Variants in TNFRSF1B observed in about 807,000 individuals in gnomAD.
The protein encoded by TNFRSF1B is tumor necrosis factor receptor superfamily member 1B.
A neutral mutation model predicts 44.6 loss-of-function variants in TNFRSF1B; 19 were observed. The ratio of observed to expected loss-of-function variants is 0.43; its 90% CI spans 0.30 to 0.62. The LOEUF (loss-of-function observed/expected upper bound fraction) is 0.62. TNFRSF1B is among the 20% of genes least tolerant of loss of function. The pLI, the probability that TNFRSF1B is intolerant of heterozygous loss-of-function variation, is 0.16. For missense variants in TNFRSF1B, 541 were observed against 619.9 expected (o/e 0.87, Z 1.35); for synonymous variants, 252 against 261.1 (o/e 0.97, Z 0.34).
In TNFRSF1B at chr1:12,178,970, G is replaced by C. The variant is rs17885508; in HGVS notation, c.79-9826G>C. On this transcript the variant is annotated intron_variant, in intron 1 of 9. Transcript: ENST00000376259. The surrounding 1 kb of genome is among the most constrained non-coding windows in gnomAD (Gnocchi z 4.3). ...CAGCTGGCAGGAGATGCTGAGGGCA[G>C]CGAGGAGGAGGGGTCGTGGGAGATG... Among the ~76,000 whole-genome samples, 1 of 152,126 alleles carries C rather than the reference G, an allele frequency of 6.6e-6. No homozygotes were observed. Among genetic ancestry groups the C allele is most frequent in the Admixed American group, 6.5e-5 (1 of 15,272 alleles).
intron 9 of TNFRSF1B, among the ~76,000 whole-genome samples, chr1:12,202,552 C>T (rs746902483): frequency 1.8e-4 from 27 of 152,346 alleles, no homozygotes; most frequent in Admixed American, 1.5e-3. Flanking sequence ...CTGTCTCCCA[C>T]GCCAGGCTGT....
In TNFRSF1B at chr1:12,178,325, T is replaced by C. The variant is rs1435307957; in HGVS notation, c.79-10471T>C. ...GAAGCACGGGTGACACTGAGCTCTT[T>C]CCACTGCCGGGCACGGTGCCAAGCA... On this transcript the variant is annotated intron_variant, in intron 1 of 9. Transcript: ENST00000376259. The surrounding 1 kb of genome is among the most constrained non-coding windows in gnomAD (Gnocchi z 4.3). Among the ~76,000 whole-genome samples, 1 of 152,040 alleles carries C rather than the reference T, an allele frequency of 6.6e-6. No homozygotes were observed. The highest frequency in any genetic ancestry group is 1.5e-5 in the Non-Finnish European group (1 of 67,908).
chr1:12,176,459 C>T (rs1425921119), intron 1 of TNFRSF1B, among the ~76,000 whole-genome samples: 6 of 152,152 alleles, frequency 3.9e-5, no homozygotes, highest in Non-Finnish European at 5.9e-5. Flanking sequence ...CCCATCAGCC[C>T]CAGGAGGTAT....
chr1:12,206,115 C>T (rs757347984), intron 9 of TNFRSF1B, among the ~76,000 whole-genome samples: 11 of 152,090 alleles, frequency 7.2e-5, no homozygotes, highest in African/African-American at 1.9e-4. Flanking sequence ...AGGCTGAGCA[C>T]GGTGGCTCAC....
chr1:12,167,053 G>A lies in TNFRSF1B; in HGVS notation c.-39G>A. On this transcript the variant is annotated 5_prime_UTR_variant, in exon 1 of 10. Transcript: ENST00000376259. ...AGGCGCTGGGCTGCGAGGGCGCGAG[G>A]GCGCGAGGGCAGGGGGCAACCGGAC... The A allele has an allele frequency of 1.6e-6, 2 of 1,259,930 alleles. No individual in the cohort carries two copies. Among genetic ancestry groups the A allele is most frequent in the East Asian group, 3.2e-5 (1 of 30,818 alleles). The allele number at this position is 1,259,930 out of a possible 1,614,324, so 78.0% of individuals were successfully genotyped here.
intron 1 of TNFRSF1B, among the ~76,000 whole-genome samples, chr1:12,176,294 G>C (rs1041289334): frequency 1.3e-5 from 2 of 152,186 alleles, no homozygotes; most frequent in African/African-American, 4.8e-5. Context: ...GTCCTAGCTG[G>C]AGCCAAAGGT....
chr1:12,195,613 A>C (rs1639249146), intron 8 of TNFRSF1B, among the ~76,000 whole-genome samples: 1 of 152,106 alleles, frequency 6.6e-6, no homozygotes. Context: ...CATCTCACTG[A>C]CCAGACAGTG....
chr1:12,198,691 G>GTTTTT lies in TNFRSF1B; in HGVS notation c.901-3263_901-3259dup, dbSNP rs60313758. On this transcript the variant is annotated intron_variant, in intron 8 of 9. Transcript: ENST00000376259. ...TGGCTGGCTGGCTGGCTGGAATTCTGTTTTTTTTTTTTTTTTTGAGAAAGA... is the reference window on the plus strand; with the variant it reads ...TGGCTGGCTGGCTGGCTGGAATTCTGTTTTTTTTTTTTTTTTTTTTTTGAGAAAGA... 7.6e-4 allele frequency among the ~76,000 whole-genome samples: 65 copies of GTTTTT among 85,632 alleles called. 2 individuals carry two copies. Among genetic ancestry groups the GTTTTT allele is most frequent in the African/African-American group, 2.6e-3 (55 of 21,374 alleles). The allele number at this position is 85,632 out of a possible 152,430, so 56.2% of individuals were successfully genotyped here.
At position 12,187,798 on chromosome 1, in the gene TNFRSF1B, C is replaced by A. The variant is rs1190898391; in HGVS notation, c.79-998C>A. Among the ~76,000 whole-genome samples, 3 of 152,110 alleles carry A rather than the reference C, an allele frequency of 2.0e-5. No individual in the cohort carries two copies. The highest frequency in any genetic ancestry group is 2.9e-5 in the Non-Finnish European group (2 of 67,990). ...GGGCTCCCAGGAGAAGCAGGCAGGG[C>A]AGGTCAGGGGAGGGGGCTTAGCAGG... On this transcript the variant is annotated intron_variant, in intron 1 of 9. Coordinates refer to ENST00000376259, the MANE Select transcript of TNFRSF1B (RefSeq NM_001066.3). The surrounding 1 kb of genome is among the most constrained non-coding windows in gnomAD (Gnocchi z 5.5).
chr1:12,177,162 C>T lies in TNFRSF1B; in HGVS notation c.78+9993C>T, dbSNP rs1263055085. Among the ~76,000 whole-genome samples the T allele has an allele frequency of 6.6e-6, 1 of 152,160 alleles. No homozygotes were observed. The highest frequency in any genetic ancestry group is 2.4e-5 in the African/African-American group (1 of 41,444). On this transcript the variant is annotated intron_variant, in intron 1 of 9. Transcript: ENST00000376259. This position sits in a 1 kb window ranked among gnomAD's most constrained non-coding sequence, Gnocchi z 4.3. ...GGACTACAGGCGTGCCCCACCACGC[C>T]TGGCTAATTTTTTGTATTTTTTTTA...
At chr1:12,184,373 A>C (rs995459637) in intron 1 of TNFRSF1B, among the ~76,000 whole-genome samples, 2 of 151,726 alleles carry the variant, frequency 1.3e-5, no homozygotes, top group Non-Finnish European at 2.9e-5. Flanking sequence ...GTCCAAGAGA[A>C]TAAACAGGCC....
rs1174712994 is a variant in TNFRSF1B at position 12,191,831 on chromosome 1, C to G, written c.365C>G (p.Pro122Arg). 1.2e-6 allele frequency: 2 copies of G among 1,613,170 alleles called. No homozygotes were observed. The highest frequency in any genetic ancestry group is 1.7e-6 in the Non-Finnish European group (2 of 1,179,788). ...REQNRICTCR[P>R]GWYCALSKQE... ...CAGAACCGCATCTGCACCTGCAGGC[C>G]CGGCTGGTACTGCGCGCTGAGCAAG... The change falls in exon 4 of 10, where the codon CCC becomes CGC. Residue 122 changes from proline (P) to arginine (R), a missense_variant. Coordinates refer to ENST00000376259, the MANE Select transcript of TNFRSF1B (RefSeq NM_001066.3).
rs147256500 is a variant in TNFRSF1B, at chr1:12,198,730, G to A, written c.901-3237G>A. Reference sequence around the variant, plus strand: ...TTTTGAGAAAGAGTCTTGCTTTGTCGCCCAGGCTGGAGTGCAGTGGCACAA... The same window carrying A: ...TTTTGAGAAAGAGTCTTGCTTTGTCACCCAGGCTGGAGTGCAGTGGCACAA... On this transcript the variant is annotated intron_variant, in intron 8 of 9. Transcript: ENST00000376259. 6.6e-5 allele frequency among the ~76,000 whole-genome samples: 8 copies of A among 120,384 alleles called. No homozygotes were observed. In the South Asian group the frequency reaches 1.8e-3, roughly 27 times the overall value. 79.0% of individuals were successfully genotyped at this position (120,384 alleles called of 152,430 possible).
Position 12,177,717 on chromosome 1 carries a change from C to T in TNFRSF1B, c.78+10548C>T, listed in dbSNP as rs111730934. Among the ~76,000 whole-genome samples the T allele has an allele frequency of 4.2e-3, 642 of 151,608 alleles. 2 individuals carry two copies. Among genetic ancestry groups the T allele is most frequent in the African/African-American group, 0.014 (595 of 41,318 alleles). On this transcript the variant is annotated intron_variant, in intron 1 of 9. Coordinates refer to ENST00000376259, the MANE Select transcript of TNFRSF1B (RefSeq NM_001066.3). This position sits in a 1 kb window ranked among gnomAD's most constrained non-coding sequence, Gnocchi z 4.3. Reference sequence around the variant, plus strand: ...ACTGAGGCAGGAGAATCGCTTGAACCTGGGAGGCGGAGTTTGCAGTGAACC... The same window carrying T: ...ACTGAGGCAGGAGAATCGCTTGAACTTGGGAGGCGGAGTTTGCAGTGAACC...
chr1:12,183,890 G>A (rs890716268), intron 1 of TNFRSF1B, among the ~76,000 whole-genome samples: 2 of 150,938 alleles, frequency 1.3e-5, no homozygotes, highest in Admixed American at 6.6e-5. Context: ...CATCCTCTCC[G>A]ATTCCCTCAC....
chr1:12,205,988 G>A lies in TNFRSF1B; in HGVS notation c.1106-752G>A, dbSNP rs185528947. 6.4e-3 allele frequency among the ~76,000 whole-genome samples: 981 copies of A among 152,244 alleles called. 9 individuals are homozygous for A. Among genetic ancestry groups the A allele is most frequent in the Non-Finnish European group, 0.012 (818 of 68,014 alleles). Reference sequence around the variant, plus strand: ...TGATGGATGGGTGTGTGATATGAGAGAAAGATGGGTCCGAGGCTCTGGGCC... The same window carrying A: ...TGATGGATGGGTGTGTGATATGAGAAAAAGATGGGTCCGAGGCTCTGGGCC... On this transcript the variant is annotated intron_variant, in intron 9 of 9. Transcript: ENST00000376259.
chr1:12,190,236 A>G (rs1015412559), intron 2 of TNFRSF1B, among the ~76,000 whole-genome samples: 3 of 152,188 alleles, frequency 2.0e-5, no homozygotes, highest in East Asian at 1.9e-4. Flanking sequence ...AGGTGGGCGG[A>G]CCACCGGAGG....
chr1:12,186,276 G>A lies in TNFRSF1B; in HGVS notation c.79-2520G>A, dbSNP rs1007119726. On this transcript the variant is annotated intron_variant, in intron 1 of 9. Transcript: ENST00000376259. The surrounding 1 kb of genome is among the most constrained non-coding windows in gnomAD (Gnocchi z 4.8). Reference sequence around the variant, plus strand: ...TCACTCGCTATAGGTGCAGCCAAACGCTCAGCAGGCCCAAACTCTGGGCAG... The same window carrying A: ...TCACTCGCTATAGGTGCAGCCAAACACTCAGCAGGCCCAAACTCTGGGCAG... Among the ~76,000 whole-genome samples, 4 of 152,190 alleles carry A rather than the reference G, an allele frequency of 2.6e-5. No homozygotes were observed. Among genetic ancestry groups the A allele is most frequent in the African/African-American group, 9.7e-5 (4 of 41,450 alleles).
At chr1:12,191,618 G>A in intron 3 of TNFRSF1B, 156 bp from the exon 4 acceptor site, 1 of 842,644 alleles carries the variant, frequency 1.2e-6, no homozygotes, top group African/African-American at 1.7e-5. Flanking sequence ...TGCCGGTCCT[G>A]CCCCTGGACT....
Sources: gnomAD v4.1 joint callset for allele counts (sites outside exome capture counted in the v4.1 genomes callset) on GRCh38, gnomAD v4.1.1 for gene constraint, Gnocchi (gnomAD v3.1) non-coding constraint, MANE v1.5 for transcripts, NCBI Gene and HGNC (gene_info 2026-07-23, HGNC 2026-07-21) for gene names.